Variants in NBPF11 observed in about 807,000 individuals in gnomAD.
NBPF11 encodes NBPF family member NBPF11.
In NBPF11, 72 loss-of-function variants were observed where a neutral mutation model predicts 93.9. The observed-to-expected ratio is 0.77, with a 90% confidence interval of 0.63 to 0.93. NBPF11 has a LOEUF of 0.93. Ranked by LOEUF, NBPF11 falls within the 40% of genes least tolerant of loss-of-function variation. NBPF11 has a pLI of 0.00. For missense variants in NBPF11, 705 were observed against 802.2 expected (o/e 0.88, Z 1.46); for synonymous variants, 224 against 304.9 (o/e 0.73, Z 2.76).
At chr1:148,126,126 G>A (rs1428195086) in intron 5 of NBPF11, among the ~76,000 whole-genome samples, 1 of 151,570 alleles carries the variant, frequency 6.6e-6, no homozygotes, top group African/African-American at 2.4e-5. Flanking sequence ...TCAGCCTCCC[G>A]ATTAGTGGTG....
At chr1:148,111,266 C>A (rs1665193367) in intron 15 of NBPF11, among the ~76,000 whole-genome samples, 1 of 152,064 alleles carries the variant, frequency 6.6e-6, no homozygotes, top group Admixed American at 6.5e-5. Context: ...CATCAAAGAC[C>A]AAGGGTAGAT....
At chr1:148,147,423 C>T (rs1337674302) in intron 1 of NBPF11, among the ~76,000 whole-genome samples, 8 of 152,120 alleles carry the variant, frequency 5.3e-5, no homozygotes, top group South Asian at 2.1e-4. Context: ...AGCACACATC[C>T]GAGGTCTGGG....
chr1:148,140,332 A>G (rs1156604257), intron 2 of NBPF11, among the ~76,000 whole-genome samples: 9 of 151,934 alleles, frequency 5.9e-5, no homozygotes, highest in Non-Finnish European at 1.5e-5. Context: ...GAGATAACAT[A>G]GGAGAAAATC....
chr1:148,132,087 A>C (rs1407836086), intron 4 of NBPF11, among the ~76,000 whole-genome samples: 19 of 146,466 alleles, frequency 1.3e-4, no homozygotes, highest in African/African-American at 4.8e-4. Flanking sequence ...TCTTTTGAGA[A>C]ATTGTTTCAT....
At chr1:148,104,114 G>C (rs1459629207) in intron 23 of NBPF11, among the ~76,000 whole-genome samples, 1 of 90,080 alleles carries the variant, frequency 1.1e-5, no homozygotes, top group Non-Finnish European at 2.3e-5. Context: ...GAGAGAGAGA[G>C]ACAGAGACAG....
At chr1:148,106,910 G>A in intron 20 of NBPF11, 32 bp downstream of exon 20, 1 of 691,508 alleles carries the variant, frequency 1.4e-6, no homozygotes, top group Non-Finnish European at 2.6e-6. Flanking sequence ...AGGCCAGGTG[G>A]AGGCTTATCA....
chr1:148,103,634 G>C lies in NBPF11; in HGVS notation c.*262C>G. 6.2e-7 allele frequency: 1 copy of C among 1,610,906 alleles called. No homozygotes were observed. On this transcript the variant is annotated 3_prime_UTR_variant, in exon 24 of 24. Coordinates refer to ENST00000682118, the MANE Select transcript of NBPF11 (RefSeq NM_001385469.3). ...CTTCAGGTGCCTATAGGTCCTGCCT[G>C]CAGGAATGACACCTCTCGGCTTAGT...
At position 148,125,226 on chromosome 1, in the gene NBPF11, A is replaced by G. The variant is rs1668825700; in HGVS notation, c.176-225T>C. Among the ~76,000 whole-genome samples, 4 of 152,106 alleles carry G rather than the reference A, an allele frequency of 2.6e-5. No homozygotes were observed. In the South Asian group the frequency reaches 8.3e-4, roughly 32 times the overall value. ...GAGAAACTCAAGGGCGCATCAAGGA[A>G]GTTGACAAGATGATTCAACCACAAC... On this transcript the variant is annotated intron_variant, in intron 5 of 23. Transcript: ENST00000682118.
Position 148,105,362 on chromosome 1 carries a change from C to A in NBPF11, c.2470G>T (p.Glu824Ter). 3.7e-6 allele frequency: 3 copies of A among 802,874 alleles called. No homozygotes were observed. In the South Asian group the frequency reaches 4.0e-5, roughly 11 times the overall value. 49.7% of individuals were successfully genotyped at this position (802,874 alleles called of 1,614,324 possible). A position where few individuals can be genotyped will look rare whatever the true frequency, so the allele number is the denominator to read the frequency against. ...CACCTTCATAGAAAGGTACTCACCT[C>A]CCACGTCAAGAGAAAAGCCAACATG... ...KNMLAFLLTW[E>*]KLKRRGRGRK... Residue 824 changes from glutamate (E) to a stop codon, truncating the protein, a stop_gained and splice_region_variant, in exon 22 of 24, where the codon GAG becomes TAG. Transcript: ENST00000682118. LOFTEE classifies it high-confidence loss of function.
At chr1:148,150,661 A>G in intron 1 of NBPF11, among the ~76,000 whole-genome samples, 1 of 151,842 alleles carries the variant, frequency 6.6e-6, no homozygotes, top group East Asian at 1.9e-4. Context: ...ACTGGTATTC[A>G]TTCTTTCGGC....
At chr1:148,114,831 C>G (rs1666096645) in intron 14 of NBPF11, among the ~76,000 whole-genome samples, 1 of 150,712 alleles carries the variant, frequency 6.6e-6, no homozygotes, top group Non-Finnish European at 1.5e-5. Context: ...CACCAGGTAA[C>G]ATGGACATTA....
intron 11 of NBPF11, among the ~76,000 whole-genome samples, chr1:148,118,054 G>A (rs1435174172): frequency 2.1e-4 from 32 of 151,470 alleles, no homozygotes; most frequent in East Asian, 9.7e-4. Flanking sequence ...TCCTAATTCC[G>A]TTTCAAAAAG....
At chr1:148,119,484 C>A (rs1374182587) in intron 10 of NBPF11, among the ~76,000 whole-genome samples, 1 of 151,834 alleles carries the variant, frequency 6.6e-6, no homozygotes, top group Admixed American at 6.6e-5. Context: ...AGACAAGCAC[C>A]TTGGATGGAG....
intron 4 of NBPF11, 158 bp from the exon 5 acceptor site, chr1:148,127,196 A>T: frequency 3.2e-6 from 1 of 311,222 alleles, no homozygotes; most frequent in Non-Finnish European, 5.4e-6. Flanking sequence ...CACCACAAAA[A>T]CAAGGTTCGA....
intron 15 of NBPF11, among the ~76,000 whole-genome samples, chr1:148,113,073 A>G (rs1472235350): frequency 6.6e-6 from 1 of 152,088 alleles, no homozygotes; most frequent in Non-Finnish European, 1.5e-5. Context: ...AACGGGTGAA[A>G]TAACCAGCAA....
chr1:148,140,891 T>A (rs1341732261), intron 2 of NBPF11, among the ~76,000 whole-genome samples: 1 of 151,716 alleles, frequency 6.6e-6, no homozygotes, highest in Non-Finnish European at 1.5e-5. Flanking sequence ...TTGTCAAAAC[T>A]TGGAAGTACC....
chr1:148,141,006 G>T (rs1171784221), intron 2 of NBPF11, among the ~76,000 whole-genome samples: 34 of 152,028 alleles, frequency 2.2e-4, no homozygotes, highest in Admixed American at 4.6e-4. Flanking sequence ...TCATGAAAAG[G>T]CGTGGAGGAA....
chr1:148,123,121 A>G (rs1405156138), intron 7 of NBPF11, among the ~76,000 whole-genome samples: 1 of 152,002 alleles, frequency 6.6e-6, no homozygotes, highest in African/African-American at 2.4e-5. Context: ...GATTCCCAGG[A>G]ACAGGCTTGG....
At chr1:148,121,238 T>G (rs2149231601) in intron 9 of NBPF11, among the ~76,000 whole-genome samples, 1 of 151,938 alleles carries the variant, frequency 6.6e-6, no homozygotes, top group East Asian at 1.9e-4. Context: ...GAGATGGGGT[T>G]TCGCCATCTT....
Sources: allele counts gnomAD v4.1 joint callset (sites outside exome capture counted in the v4.1 genomes callset), GRCh38; gene constraint gnomAD v4.1.1; transcripts MANE v1.5; gene names NCBI Gene and HGNC (gene_info 2026-07-23, HGNC 2026-07-21).